The following FHIT variants were observed in gnomAD, a reference collection of about 807,000 sequenced individuals.
FHIT encodes the protein fragile histidine triad diadenosine triphosphatase.
In FHIT, 19 loss-of-function variants were observed where a neutral mutation model predicts 17.9. That is an observed-to-expected ratio of 1.06 (90% confidence interval 0.74 to 1.56). The LOEUF (loss-of-function observed/expected upper bound fraction) is 1.56, where lower values mean the gene tolerates loss of function less well. Among genes scored for constraint, FHIT ranks in the 40% most tolerant of loss-of-function variants. The pLI, the probability that FHIT is intolerant of heterozygous loss-of-function variation, is 0.00. For synonymous variants in FHIT, 81 were observed against 69.7 expected (o/e 1.16, Z -0.81); for missense variants, 248 against 189.2 (o/e 1.31, Z -1.82).
intron 5 of FHIT, among the ~76,000 whole-genome samples, chr3:60,510,894 A>T (rs912808683): frequency 6.6e-6 from 1 of 152,248 alleles, no homozygotes; most frequent in Non-Finnish European, 1.5e-5. Context: ...ATTCAATAGT[A>T]CATAATAGAA....
chr3:60,634,974 C>G (rs967079090), intron 4 of FHIT, among the ~76,000 whole-genome samples: 14 of 152,172 alleles, frequency 9.2e-5, no homozygotes, highest in African/African-American at 2.7e-4. Context: ...TGGGCTCAAG[C>G]AATCCTCGCA....
At chr3:60,266,896 T>C (rs891326503) in intron 5 of FHIT, among the ~76,000 whole-genome samples, 2 of 151,814 alleles carry the variant, frequency 1.3e-5, no homozygotes, top group African/African-American at 4.8e-5. Context: ...CCAAGCAAAT[T>C]AAAAAACAAG....
intron 5 of FHIT, among the ~76,000 whole-genome samples, chr3:60,302,990 T>A (rs1454413454): frequency 1.3e-5 from 2 of 152,172 alleles, no homozygotes; most frequent in Non-Finnish European, 2.9e-5. Context: ...CCCCTGTTCG[T>A]CACAGTTATG....
At chr3:60,225,263 C>A (rs1052530722) in intron 5 of FHIT, among the ~76,000 whole-genome samples, 2 of 152,126 alleles carry the variant, frequency 1.3e-5, no homozygotes, top group South Asian at 2.1e-4. Context: ...TATCCAGTGA[C>A]GTGGTTAACT....
chr3:60,179,545 G>A (rs1008582027), intron 5 of FHIT, among the ~76,000 whole-genome samples: 6 of 152,000 alleles, frequency 3.9e-5, no homozygotes, highest in African/African-American at 1.2e-4. Context: ...AATCAACATG[G>A]GATTTTTGGA....
chr3:60,801,717 G>A (rs1413538032), intron 4 of FHIT, among the ~76,000 whole-genome samples: 1 of 152,132 alleles, frequency 6.6e-6, no homozygotes, highest in Non-Finnish European at 1.5e-5. Flanking sequence ...TGACACTGAT[G>A]GTATTATCTC....
chr3:60,470,056 CTT>C (rs1185453059), intron 5 of FHIT, among the ~76,000 whole-genome samples: 6 of 131,428 alleles, frequency 4.6e-5, no homozygotes, highest in Non-Finnish European at 6.4e-5. Flanking sequence ...CTCTCTCTTT[CTT>C]TCTCTCTCTC....
At chr3:60,116,518 G>T (rs1704969873) in intron 5 of FHIT, among the ~76,000 whole-genome samples, 2 of 152,028 alleles carry the variant, frequency 1.3e-5, no homozygotes, top group Admixed American at 6.6e-5. Flanking sequence ...GTTTACCTAG[G>T]AATGAGACAA....
intron 3 of FHIT, among the ~76,000 whole-genome samples, chr3:60,825,560 G>A (rs1245987578): frequency 1.3e-5 from 2 of 151,350 alleles, no homozygotes; most frequent in African/African-American, 4.8e-5. Context: ...TGGTGGGCAA[G>A]CGAGCATTAC....
intron 4 of FHIT, among the ~76,000 whole-genome samples, chr3:60,624,899 TTTTTTTTG>T (rs1433668046): frequency 4.6e-4 from 65 of 140,282 alleles, no homozygotes; most frequent in African/African-American, 1.5e-3. Context: ...TTTCTAGTTT[TTTTTTTTG>T]TTTGTTTGTT....
At chr3:60,416,367 T>A (rs1326973555) in intron 5 of FHIT, among the ~76,000 whole-genome samples, 2 of 152,214 alleles carry the variant, frequency 1.3e-5, no homozygotes, top group Admixed American at 6.5e-5. Flanking sequence ...TATTTTTTCC[T>A]ATTGATTCTA....
chr3:60,923,999 C>T (rs990373787), intron 3 of FHIT, among the ~76,000 whole-genome samples: 22 of 152,204 alleles, frequency 1.4e-4, no homozygotes, highest in African/African-American at 4.6e-4. Flanking sequence ...AAGGCGGCAG[C>T]GAGGCTTGGG....
intron 4 of FHIT, among the ~76,000 whole-genome samples, chr3:60,616,416 C>G (rs752154791): frequency 5.3e-5 from 8 of 152,126 alleles, no homozygotes; most frequent in Non-Finnish European, 1.2e-4. Flanking sequence ...CCTCCATACT[C>G]TTTGATTCTT....
In FHIT at chr3:60,368,584, T is replaced by C. The variant is rs1401126702; in HGVS notation, c.103+168276A>G. Among the ~76,000 whole-genome samples, 9 of 152,254 alleles carry C rather than the reference T, an allele frequency of 5.9e-5. No individual in the cohort carries two copies. The East Asian group carries it at 1.3e-3, about 23-fold the overall frequency. Reference sequence around the variant, plus strand: ...CTGCATACATGTCTTTTGTCAGATATATATATTTCAAGTATTTTCCTCCAG... The same window carrying C: ...CTGCATACATGTCTTTTGTCAGATACATATATTTCAAGTATTTTCCTCCAG... On this transcript the variant is annotated intron_variant, in intron 5 of 9. Coordinates refer to ENST00000492590, the MANE Select transcript of FHIT (RefSeq NM_002012.4).
At chr3:60,908,269 G>A (rs1417032581) in intron 3 of FHIT, among the ~76,000 whole-genome samples, 2 of 152,144 alleles carry the variant, frequency 1.3e-5, no homozygotes, top group Non-Finnish European at 2.9e-5. Flanking sequence ...TCAGTCATGA[G>A]TATTATCTTT....
chr3:60,274,894 A>C (rs1006060487), intron 5 of FHIT, among the ~76,000 whole-genome samples: 7 of 152,168 alleles, frequency 4.6e-5, no homozygotes, highest in African/African-American at 1.7e-4. Flanking sequence ...AAGTTCTATA[A>C]CTTTGCTTTA....
At chr3:60,268,499 ACAGT>A (rs1706699209) in intron 5 of FHIT, among the ~76,000 whole-genome samples, 1 of 152,228 alleles carries the variant, frequency 6.6e-6, no homozygotes, top group South Asian at 2.1e-4. Context: ...TGGGACTGGC[ACAGT>A]CAGAGACCAG....
intron 5 of FHIT, among the ~76,000 whole-genome samples, chr3:60,241,215 T>C (rs568849607): frequency 6.6e-6 from 1 of 151,958 alleles, no homozygotes; most frequent in Non-Finnish European, 1.5e-5. Context: ...CTGTCATAAT[T>C]CCCTAAGACA....
intron 4 of FHIT, among the ~76,000 whole-genome samples, chr3:60,622,343 A>AT (rs544790827): frequency 2.6e-5 from 4 of 151,842 alleles, no homozygotes; most frequent in South Asian, 2.1e-4. Context: ...CTTTATGTGG[A>AT]TTTTTTGAAA....
Sources: gnomAD v4.1 joint callset for allele counts (sites outside exome capture counted in the v4.1 genomes callset) on GRCh38, gnomAD v4.1.1 for gene constraint, MANE v1.5 for transcripts, NCBI Gene and HGNC (gene_info 2026-07-23, HGNC 2026-07-21) for gene names.